The following KCNQ1 variants were observed in gnomAD, a reference collection of about 807,000 sequenced individuals.
KCNQ1 encodes potassium voltage-gated channel subfamily KQT member 1.
A neutral mutation model predicts 72.4 loss-of-function variants in KCNQ1; 49 were observed. The observed-to-expected ratio is 0.68, with a 90% CI of 0.54 to 0.86. KCNQ1 has a LOEUF of 0.86. Ranked by LOEUF, KCNQ1 falls within the 40% of genes least tolerant of loss-of-function variation. The probability of loss-of-function intolerance (pLI) is 0.00; values close to 1 mark genes in which losing one functional copy is unlikely to be tolerated. For missense variants in KCNQ1, 790 were observed against 945.1 expected (o/e 0.84, Z 2.15); for synonymous variants, 450 against 412.6 (o/e 1.09, Z -1.10).
At chr11:2,837,384 C>G (rs1848092584) in intron 15 of KCNQ1, among the ~76,000 whole-genome samples, 1 of 151,942 alleles carries the variant, frequency 6.6e-6, no homozygotes, top group African/African-American at 2.4e-5. Context: ...CCCAGGAGAG[C>G]CCGCTCCGCG....
In KCNQ1 at chr11:2,572,932, C is replaced by T. The variant is rs1262523905; in HGVS notation, c.867C>T (p.Asn289=). The T allele has an allele frequency of 9.3e-6, 15 of 1,613,692 alleles. No individual in the cohort carries two copies. In the Middle Eastern group the frequency reaches 4.9e-4, roughly 53 times the overall value. The part of the protein sequence containing the change: ...FVYLAEKDAV[N]ESGRVEFGSY... ...ACCTGGCTGAGAAGGACGCGGTGAA[C>T]GAGTCAGGCCGCGTGGAGTTCGGCA... Residue 289 remains asparagine (N), a synonymous_variant, in exon 6 of 16, where the codon AAC becomes AAT. Coordinates refer to ENST00000155840, the MANE Select transcript of KCNQ1 (RefSeq NM_000218.3).
intron 12 of KCNQ1, among the ~76,000 whole-genome samples, chr11:2,771,745 G>A (rs1003861370): frequency 2.6e-5 from 4 of 152,188 alleles, no homozygotes; most frequent in African/African-American, 9.7e-5. Flanking sequence ...GACAGAGAGA[G>A]AGAGAGAGAT....
chr11:2,620,228 T>A lies in KCNQ1; in HGVS notation c.1393+31374T>A, dbSNP rs1849146275. On this transcript the variant is annotated intron_variant, in intron 10 of 15. Coordinates refer to ENST00000155840, the MANE Select transcript of KCNQ1 (RefSeq NM_000218.3). The surrounding 1 kb of genome is among the most constrained non-coding windows in gnomAD (Gnocchi z 4.5). ...ATATATATATTTTTTTTTTTTATTT[T>A]TTTTTTAGACGGAGTTTCGCTCTTG... is the stretch of plus-strand genomic sequence containing the variant. The A allele has an allele frequency of 7.5e-6, 2 of 265,898 alleles. No homozygotes were observed. Among genetic ancestry groups the A allele is most frequent in the Non-Finnish European group, 1.4e-5 (2 of 147,400 alleles). The allele number at this position is 265,898 out of a possible 1,614,324, so 16.5% of individuals were successfully genotyped here.
In KCNQ1 at chr11:2,812,310, C is replaced by T. The variant is rs984881274; in HGVS notation, c.1794+34273C>T. Reference sequence around the variant, plus strand: ...TCTCTCCTTCCTTCTTTCCCCCTTCCCTCCTTCCCTCCCTCTCTGCTTCCT... The same window carrying T: ...TCTCTCCTTCCTTCTTTCCCCCTTCTCTCCTTCCCTCCCTCTCTGCTTCCT... On this transcript the variant is annotated intron_variant, in intron 15 of 15. Transcript: ENST00000155840. Among the ~76,000 whole-genome samples the T allele has an allele frequency of 6.6e-5, 10 of 152,290 alleles. No individual in the cohort carries two copies. The South Asian group carries it at 1.0e-3, about 16-fold the overall frequency.
At chr11:2,633,606 A>T (rs556277191) in intron 10 of KCNQ1, 57 of 398,500 alleles carry the variant, frequency 1.4e-4, no homozygotes, top group African/African-American at 1.2e-3. Flanking sequence ...TCCCAACATG[A>T]TGTGTTCAAC....
chr11:2,622,901 T>C, intron 10 of KCNQ1: 3 of 398,674 alleles, frequency 7.5e-6, no homozygotes, highest in Non-Finnish European at 1.3e-5. Flanking sequence ...AAGTCCCTAG[T>C]TAACATTAGG....
At chr11:2,751,170 G>T (rs576007583) in intron 11 of KCNQ1, among the ~76,000 whole-genome samples, 315 of 152,286 alleles carry the variant, frequency 2.1e-3, no homozygotes, top group African/African-American at 7.2e-3. Context: ...GTTTTGCCGG[G>T]CTCCGCTCGT....
chr11:2,679,001 G>A lies in KCNQ1; in HGVS notation c.1514+16920G>A, dbSNP rs190410753. ...CTAATTCAAGAATTTTTAAAAACCC[G>A]CAATAAGAAACATAATCTAAAACTT... On this transcript the variant is annotated intron_variant, in intron 11 of 15. Coordinates refer to ENST00000155840, the MANE Select transcript of KCNQ1 (RefSeq NM_000218.3). This position sits in a 1 kb window ranked among gnomAD's most constrained non-coding sequence, Gnocchi z 4.8. The A allele has an allele frequency of 3.3e-5, 13 of 398,526 alleles. No homozygotes were observed. Among genetic ancestry groups the A allele is most frequent in the East Asian group, 7.1e-5 (2 of 28,080 alleles). 24.7% of individuals were successfully genotyped at this position (398,526 alleles called of 1,614,324 possible).
intron 11 of KCNQ1, chr11:2,675,120 C>G (rs149794494): frequency 4.5e-5 from 18 of 398,646 alleles, no homozygotes; most frequent in African/African-American, 3.3e-4. Flanking sequence ...GGTGGGTTCA[C>G]TAGCCTCTTT....
At chr11:2,839,924 C>T (rs1394581314) in intron 15 of KCNQ1, 1 of 152,200 alleles carries the variant, frequency 6.6e-6, no homozygotes, top group South Asian at 2.1e-4. Context: ...AAAGCATGTA[C>T]AAGAGCGGTC....
At chr11:2,540,516 T>G (rs1847807321) in intron 2 of KCNQ1, among the ~76,000 whole-genome samples, 1 of 152,208 alleles carries the variant, frequency 6.6e-6, no homozygotes, top group African/African-American at 2.4e-5. Context: ...GTGGGATGAC[T>G]GGGGTACCTG....
In KCNQ1 at chr11:2,536,800, G is replaced by A. The variant is rs756107011; in HGVS notation, c.477+8782G>A. Among the ~76,000 whole-genome samples the A allele has an allele frequency of 1.3e-5, 2 of 152,082 alleles. No individual in the cohort carries two copies. Among genetic ancestry groups the A allele is most frequent in the South Asian group, 2.1e-4 (1 of 4,826 alleles). ...CTGGGCGGCTTAAACCGTGGAGGTC[G>A]CCCTCTCACAGCTCTGGACGATGGA... is the stretch of plus-strand genomic sequence containing the variant. On this transcript the variant is annotated intron_variant, in intron 2 of 15. Transcript: ENST00000155840. This position sits in a 1 kb window ranked among gnomAD's most constrained non-coding sequence, Gnocchi z 7.4.
Position 2,668,466 on chromosome 11 carries a change from G to T in KCNQ1, c.1514+6385G>T. The T allele has an allele frequency of 2.5e-6, 1 of 398,556 alleles. No homozygotes were observed. Among genetic ancestry groups the T allele is most frequent in the Non-Finnish European group, 4.4e-6 (1 of 226,052 alleles). 24.7% of individuals were successfully genotyped at this position (398,556 alleles called of 1,614,324 possible). A position where few individuals can be genotyped will look rare whatever the true frequency, so the allele number is the denominator to read the frequency against. Reference sequence around the variant, plus strand: ...CACATCCTAACACTTGGCATTTTCCGTCGTTTCCTTTTCAGCCATGATGGT... The same window carrying T: ...CACATCCTAACACTTGGCATTTTCCTTCGTTTCCTTTTCAGCCATGATGGT... On this transcript the variant is annotated intron_variant, in intron 11 of 15. Coordinates refer to ENST00000155840, the MANE Select transcript of KCNQ1 (RefSeq NM_000218.3). The surrounding 1 kb of genome is among the most constrained non-coding windows in gnomAD (Gnocchi z 4.3).
intron 2 of KCNQ1, among the ~76,000 whole-genome samples, chr11:2,533,607 C>T (rs149308176): frequency 1.1e-3 from 166 of 152,336 alleles, no homozygotes; most frequent in African/African-American, 3.9e-3. Flanking sequence ...CATGCGTACA[C>T]ATATGCCTGG....
intron 15 of KCNQ1, among the ~76,000 whole-genome samples, chr11:2,804,842 T>C (rs934445668): frequency 3.9e-5 from 6 of 152,096 alleles, no homozygotes; most frequent in Admixed American, 2.6e-4. Context: ...TCCCATTTTG[T>C]GTATGAGGAG....
At chr11:2,577,562 G>A (rs1029245783) in intron 6 of KCNQ1, among the ~76,000 whole-genome samples, 3 of 152,228 alleles carry the variant, frequency 2.0e-5, no homozygotes, top group African/African-American at 4.8e-5. Context: ...CCATGTGACG[G>A]GGAGGCCTGG....
In KCNQ1 at chr11:2,652,148, C is replaced by T. The variant is rs185446735; in HGVS notation, c.1394-9813C>T. Reference sequence around the variant, plus strand: ...GGAAGGGACCTGTGTTTCTCAAGCCCGCGCCCTCGGGGCCTGGGGGTGGGG... The same window carrying T: ...GGAAGGGACCTGTGTTTCTCAAGCCTGCGCCCTCGGGGCCTGGGGGTGGGG... On this transcript the variant is annotated intron_variant, in intron 10 of 15. Transcript: ENST00000155840. The surrounding 1 kb of genome is among the most constrained non-coding windows in gnomAD (Gnocchi z 5.9). The T allele has an allele frequency of 1.7e-3, 662 of 398,610 alleles. 5 individuals carry two copies. Among genetic ancestry groups the T allele is most frequent in the African/African-American group, 0.013 (610 of 48,726 alleles). 24.7% of individuals were successfully genotyped at this position (398,610 alleles called of 1,614,324 possible). A position where few individuals can be genotyped will look rare whatever the true frequency, so the allele number is the denominator to read the frequency against.
chr11:2,755,057 G>C (rs147675741), intron 11 of KCNQ1, among the ~76,000 whole-genome samples: 94 of 152,316 alleles, frequency 6.2e-4, no homozygotes, highest in Admixed American at 1.2e-3. Context: ...GGCGTCATTA[G>C]GGCTAGAGGT....
intron 11 of KCNQ1, among the ~76,000 whole-genome samples, chr11:2,753,258 C>T (rs1198526197): frequency 2.0e-5 from 3 of 152,138 alleles, no homozygotes; most frequent in Non-Finnish European, 4.4e-5. Context: ...TCGGAAAGCC[C>T]CTCCTGCCGC....
Sources: allele counts gnomAD v4.1 joint callset (sites outside exome capture counted in the v4.1 genomes callset), GRCh38; gene constraint gnomAD v4.1.1; non-coding constraint Gnocchi (gnomAD v3.1); transcripts MANE v1.5; gene names NCBI Gene and HGNC (gene_info 2026-07-23, HGNC 2026-07-21).